Variants in GFRA2 observed in about 807,000 individuals in gnomAD.
GFRA2 encodes GDNF family receptor alpha 2.
In GFRA2, 17 loss-of-function variants were observed where a neutral mutation model predicts 48.3. The observed-to-expected ratio is 0.35, with a 90% confidence interval of 0.24 to 0.53. GFRA2 has a LOEUF of 0.53. GFRA2 is among the 20% of genes least tolerant of loss of function. GFRA2 has a pLI of 0.93. For missense variants in GFRA2, 660 were observed against 637.3 expected (o/e 1.04, Z -0.38); for synonymous variants, 305 against 257.2 (o/e 1.19, Z -1.78).
chr8:21,760,381 G>C (rs576873172), intron 3 of GFRA2, among the ~76,000 whole-genome samples: 2 of 152,132 alleles, frequency 1.3e-5, no homozygotes, highest in Non-Finnish European at 2.9e-5. Flanking sequence ...ACTGCAGAGA[G>C]GGCAAAATGT....
intron 4 of GFRA2, among the ~76,000 whole-genome samples, chr8:21,713,019 G>T (rs1243419889): frequency 6.7e-6 from 1 of 148,790 alleles, no homozygotes; most frequent in East Asian, 2.0e-4. Context: ...GGGAGACGAG[G>T]GAGAGGGAGA....
At chr8:21,706,339 T>C (rs1055265114) in intron 4 of GFRA2, 1 of 533,180 alleles carries the variant, frequency 1.9e-6, no homozygotes, top group Non-Finnish European at 3.6e-6. Context: ...TAAATGGCTC[T>C]TTTAGGCTGG....
At chr8:21,723,320 C>T (rs994253355) in intron 4 of GFRA2, among the ~76,000 whole-genome samples, 1 of 152,176 alleles carries the variant, frequency 6.6e-6, no homozygotes, top group African/African-American at 2.4e-5. Context: ...TCTCTCACCA[C>T]CCTTCAGGGC....
At chr8:21,742,505 G>A (rs1266742319) in intron 4 of GFRA2, among the ~76,000 whole-genome samples, 1 of 152,148 alleles carries the variant, frequency 6.6e-6, no homozygotes, top group Non-Finnish European at 1.5e-5. Context: ...TGCTGTTGAA[G>A]CAACCCAGTC....
chr8:21,741,200 C>T (rs1283270807), intron 4 of GFRA2, among the ~76,000 whole-genome samples: 1 of 152,174 alleles, frequency 6.6e-6, no homozygotes, highest in South Asian at 2.1e-4. Context: ...AGTGATCTGG[C>T]CCCTGCCTGC....
upstream of GFRA2, among the ~76,000 whole-genome samples, chr8:21,789,444 G>A (rs930578218): frequency 2.8e-4 from 42 of 152,156 alleles, no homozygotes; most frequent in African/African-American, 9.1e-4. Flanking sequence ...CGAGCCATCC[G>A]GGGGCTCGGG....
Position 21,776,037 on chromosome 8 carries a change from G to GTGTGTGTGTGTGTGTGTGTA in GFRA2, c.356-983_356-982insTACACACACACACACACACA, listed in dbSNP as rs549952048. Among the ~76,000 whole-genome samples the GTGTGTGTGTGTGTGTGTGTA allele has an allele frequency of 7.8e-4, 109 of 139,854 alleles. 1 individual carries two copies. The highest frequency in any genetic ancestry group is 3.8e-3 in the Middle Eastern group (1 of 260). The allele number at this position is 139,854 out of a possible 152,430, so 91.7% of individuals were successfully genotyped here. Reference sequence around the variant, plus strand: ...TGTGTGTGTGTGTGTGTGTGTGTGTGTGTAGTGAAAAGCAGGGCACAGCCT... The same window carrying GTGTGTGTGTGTGTGTGTGTA: ...TGTGTGTGTGTGTGTGTGTGTGTGTGTGTGTGTGTGTGTGTGTGTATGTAGTGAAAAGCAGGGCACAGCCT... On this transcript the variant is annotated intron_variant, in intron 2 of 8. Coordinates refer to ENST00000524240, the MANE Select transcript of GFRA2 (RefSeq NM_001495.5).
In GFRA2 at chr8:21,739,660, C is replaced by A. The variant is rs180778908; in HGVS notation, c.794+10928G>T. Among the ~76,000 whole-genome samples the A allele has an allele frequency of 7.2e-5, 11 of 152,322 alleles. No homozygotes were observed. In the East Asian group the frequency reaches 1.4e-3, roughly 19 times the overall value. On this transcript the variant is annotated intron_variant, in intron 4 of 8. Coordinates refer to ENST00000524240, the MANE Select transcript of GFRA2 (RefSeq NM_001495.5). The stretch of plus-strand genomic sequence containing the variant: ...AAGAAGGAGAGCAGGGCTGCCTCCC[C>A]CCTGGGGATGCCCACGTGGAAGGCA...
Position 21,694,479 on chromosome 8 carries a change from G to A in GFRA2, c.1257C>T (p.Ser419=), listed in dbSNP as rs370707769. ...GLKANNSKEL[S]MCFTELTTNI... ...CCCAACTCACCTCTGTGAAGCACAT[G>A]CTTAACTCTTTGGAGTTGTTGGCCT... The change falls in exon 8 of 9, where the codon AGC becomes AGT. Residue 419 remains serine, a synonymous_variant. Transcript: ENST00000524240. 19 of 1,612,224 alleles carry A rather than the reference G, an allele frequency of 1.2e-5. No homozygotes were observed. The highest frequency in any genetic ancestry group is 1.4e-5 in the Non-Finnish European group (16 of 1,179,530).
intron 4 of GFRA2, among the ~76,000 whole-genome samples, chr8:21,740,610 C>T (rs773500721): frequency 3.3e-5 from 5 of 152,208 alleles, no homozygotes; most frequent in Non-Finnish European, 7.4e-5. Flanking sequence ...GGGTGCCAGG[C>T]AGGTTCCCAG....
intron 2 of GFRA2, among the ~76,000 whole-genome samples, chr8:21,795,921 G>C (rs1807666714): frequency 6.6e-6 from 1 of 152,146 alleles, no homozygotes; most frequent in Admixed American, 6.5e-5. Context: ...AAGTCATCTG[G>C]CATCGTCTTT....
chr8:21,699,911 CCA>C (rs1308356529), intron 7 of GFRA2, among the ~76,000 whole-genome samples: 1 of 152,224 alleles, frequency 6.6e-6, no homozygotes, highest in Admixed American at 6.5e-5. Flanking sequence ...GGGTGAGATG[CCA>C]CTATGGCCTC....
intron 4 of GFRA2, among the ~76,000 whole-genome samples, chr8:21,711,641 G>C (rs1803032919): frequency 6.6e-6 from 1 of 151,638 alleles, no homozygotes. Context: ...TTTAGCATAA[G>C]TATGTCCCAC....
At chr8:21,787,263 C>CGGGG (rs1212097090) in intron 1 of GFRA2, among the ~76,000 whole-genome samples, 2 of 49,196 alleles carry the variant, frequency 4.1e-5, no homozygotes, top group Non-Finnish European at 7.4e-5. Context: ...TTGGAGGCGG[C>CGGGG]GGGGGGGGCA....
chr8:21,803,971 T>A (rs1807814212), intron 2 of GFRA2, among the ~76,000 whole-genome samples: 1 of 152,150 alleles, frequency 6.6e-6, no homozygotes, highest in African/African-American at 2.4e-5. Flanking sequence ...ATTATATTAT[T>A]TAAGCCTCAC....
chr8:21,794,668 G>C (rs1412614179), intron 2 of GFRA2, among the ~76,000 whole-genome samples: 1 of 152,146 alleles, frequency 6.6e-6, no homozygotes, highest in African/African-American at 2.4e-5. Context: ...GCCCAGCTTG[G>C]TGCCCAGCTA....
rs1409360739 is a variant in GFRA2 at position 21,691,919 on chromosome 8, A to G, written c.*1359T>C. The G allele has an allele frequency of 6.5e-6, 1 of 152,712 alleles. No individual in the cohort carries two copies. Among genetic ancestry groups the G allele is most frequent in the African/African-American group, 2.4e-5 (1 of 41,476 alleles). The allele number at this position is 152,712 out of a possible 1,614,324, so 9.5% of individuals were successfully genotyped here. On this transcript the variant is annotated 3_prime_UTR_variant, in exon 9 of 9. Coordinates refer to ENST00000524240, the MANE Select transcript of GFRA2 (RefSeq NM_001495.5). Reference sequence around the variant, plus strand: ...CATGCACACAGGCACACACACGGACACACATTTCCCCAGCCCACTGGGAGC... The same window carrying G: ...CATGCACACAGGCACACACACGGACGCACATTTCCCCAGCCCACTGGGAGC...
intron 4 of GFRA2, among the ~76,000 whole-genome samples, chr8:21,730,860 G>A (rs1030005066): frequency 6.6e-6 from 1 of 152,114 alleles, no homozygotes; most frequent in Non-Finnish European, 1.5e-5. Context: ...GTAAATCATA[G>A]TGTAGGAAGC....
chr8:21,757,484 T>G (rs1805625580), intron 3 of GFRA2, among the ~76,000 whole-genome samples: 1 of 151,602 alleles, frequency 6.6e-6, no homozygotes, highest in Non-Finnish European at 1.5e-5. Flanking sequence ...TTTAATTGAT[T>G]TTTTCTTTAA....
Sources: allele counts gnomAD v4.1 joint callset (sites outside exome capture counted in the v4.1 genomes callset), GRCh38; gene constraint gnomAD v4.1.1; transcripts MANE v1.5; gene names NCBI Gene and HGNC (gene_info 2026-07-23, HGNC 2026-07-21).